Variants in TLN1 observed in about 807,000 individuals in gnomAD.
TLN1 encodes talin-1.
A neutral mutation model predicts 292.3 loss-of-function variants in TLN1; 56 were observed. The observed-to-expected ratio is 0.19, with a 90% confidence interval of 0.15 to 0.24. TLN1 has a LOEUF of 0.24. TLN1 is among the 10% of genes least tolerant of loss of function. The pLI, the probability that TLN1 is intolerant of heterozygous loss-of-function variation, is 1.00. For synonymous variants in TLN1, 1,119 were observed against 1,253.7 expected (o/e 0.89, Z 2.27); for missense variants, 2,433 against 3,248.2 (o/e 0.75, Z 6.10).
chr9:35,715,155 C>T lies in TLN1; in HGVS notation c.2658G>A (p.Gln886=). ...CAGCTGCCTCCCGCAGCCGCTGCTG[C>T]TGCTCCTCACTGTCAGGGTGGGCAG... ...GAAAHPDSEE[Q]QQRLREAAEG... Residue 886 remains glutamine, a synonymous_variant, in exon 21 of 57, where the codon CAG becomes CAA. Transcript: ENST00000314888. The T allele has an allele frequency of 6.2e-7, 1 of 1,612,486 alleles. No homozygotes were observed. The highest frequency in any genetic ancestry group is 8.5e-7 in the Non-Finnish European group (1 of 1,180,024).
At chr9:35,715,421 T>C (rs1399239581) in intron 20 of TLN1, among the ~76,000 whole-genome samples, 3 of 152,266 alleles carry the variant, frequency 2.0e-5, no homozygotes, top group Non-Finnish European at 4.4e-5. Context: ...TAAGGTGGAA[T>C]TGTTTTGTCT....
At position 35,717,488 on chromosome 9, in the gene TLN1, G is replaced by A; in HGVS notation, c.2164-48C>T. 6.3e-7 allele frequency: 1 copy of A among 1,593,968 alleles called. No homozygotes were observed. Among genetic ancestry groups the A allele is most frequent in the Non-Finnish European group, 8.6e-7 (1 of 1,167,046 alleles). ...AGACGTAGGCAAGGGAAAGGAGGTA[G>A]AGTATGCTGCTCATAGCAGTAACTG... On this transcript the variant is annotated intron_variant, in intron 18 of 56. Coordinates refer to ENST00000314888, the MANE Select transcript of TLN1 (RefSeq NM_006289.4). This position sits in a 1 kb window ranked among gnomAD's most constrained non-coding sequence, Gnocchi z 4.7.
intron 48 of TLN1, among the ~76,000 whole-genome samples, chr9:35,702,543 A>G (rs1011092975): frequency 1.3e-5 from 2 of 151,610 alleles, no homozygotes; most frequent in Non-Finnish European, 2.9e-5. Flanking sequence ...CCCAGGCTGG[A>G]GTGCAGTGGC....
Position 35,707,409 on chromosome 9 carries a change from T to C in TLN1, c.4712A>G (p.Asn1571Ser). 1 of 1,614,154 alleles carries C rather than the reference T, an allele frequency of 6.2e-7. No homozygotes were observed. ...AGGGTTGGACGCAAAGGCACTCAGA[T>C]TGTCCACAGCCTCCAGCAGAGGGGC... is the stretch of plus-strand genomic sequence containing the variant. ...ATAPLLEAVD[N>S]LSAFASNPEF... Residue 1571 changes from asparagine (N) to serine (S), a missense_variant, in exon 36 of 57, where the codon AAT (asparagine) becomes AGT (serine). Around this residue, in one of 7 missense-constraint regions of TLN1, gnomAD observed 1,384 missense variants for 1,699.6 expected, o/e 0.81. Coordinates refer to ENST00000314888, the MANE Select transcript of TLN1 (RefSeq NM_006289.4). The surrounding 1 kb of genome is among the most constrained non-coding windows in gnomAD (Gnocchi z 5.6).
Position 35,719,481 on chromosome 9 carries a change from C to A in TLN1, c.1687+38G>T. On this transcript the variant is annotated intron_variant, in intron 15 of 56. Transcript: ENST00000314888. This position sits in a 1 kb window ranked among gnomAD's most constrained non-coding sequence, Gnocchi z 4.6. Reference sequence around the variant, plus strand: ...ATGCCTGTGCACACTTGCACCCCCTCTCCCCATCACACACCCGGAAGCTAG... The same window carrying A: ...ATGCCTGTGCACACTTGCACCCCCTATCCCCATCACACACCCGGAAGCTAG... 1 of 1,572,706 alleles carries A rather than the reference C, an allele frequency of 6.4e-7. No individual in the cohort carries two copies. Among genetic ancestry groups the A allele is most frequent in the Non-Finnish European group, 8.7e-7 (1 of 1,143,070 alleles).
rs768049106 is a variant in TLN1 at position 35,717,428 on chromosome 9, T to C, written c.2176A>G (p.Thr726Ala). The change falls in exon 19 of 57, where the codon ACA becomes GCA. Residue 726 changes from threonine to alanine, a missense_variant. By Grantham distance (58) the Thr-to-Ala change is moderately conservative (BLOSUM62 0). Transcript: ENST00000314888. This position sits in a 1 kb window ranked among gnomAD's most constrained non-coding sequence, Gnocchi z 4.7. ...LVACTKVVAPTISSPVCQEQL... is the reference protein window; with the variant it reads ...LVACTKVVAPAISSPVCQEQL... The stretch of plus-strand genomic sequence containing the variant: ...TCTTGGCAGACAGGTGAGCTGATTG[T>C]AGGTGCCACCACCTGTAGGTAAAGT... 10 of 1,612,914 alleles carry C rather than the reference T, an allele frequency of 6.2e-6. No individual in the cohort carries two copies.
chr9:35,704,884 A>C lies in TLN1; in HGVS notation c.5734-69T>G. 1 of 1,525,816 alleles carries C rather than the reference A, an allele frequency of 6.6e-7. No individual in the cohort carries two copies. Among genetic ancestry groups the C allele is most frequent in the Non-Finnish European group, 8.9e-7 (1 of 1,129,018 alleles). 94.5% of individuals were successfully genotyped at this position (1,525,816 alleles called of 1,614,324 possible). ...CAGGGTACCTTCACTGTGCTTGGAA[A>C]AGTCACTAAGGACATAGAAAAAAAC... On this transcript the variant is annotated intron_variant, in intron 43 of 56. Coordinates refer to ENST00000314888, the MANE Select transcript of TLN1 (RefSeq NM_006289.4). This position sits in a 1 kb window ranked among gnomAD's most constrained non-coding sequence, Gnocchi z 6.9.
At position 35,707,595 on chromosome 9, in the gene TLN1, A is replaced by G; in HGVS notation, c.4633-107T>C. The G allele has an allele frequency of 6.4e-7, 1 of 1,572,768 alleles. No homozygotes were observed. The highest frequency in any genetic ancestry group is 8.7e-7 in the Non-Finnish European group (1 of 1,154,250). ...GACTTACAGGATTTGGGGAGAGGCT[A>G]GGTGGTCAGTCTGAATAGAAAGAGC... On this transcript the variant is annotated intron_variant, in intron 35 of 56. Transcript: ENST00000314888. This position sits in a 1 kb window ranked among gnomAD's most constrained non-coding sequence, Gnocchi z 5.6.
Position 35,724,137 on chromosome 9 carries a change from T to C in TLN1, c.654+55A>G, listed in dbSNP as rs1276972455. On this transcript the variant is annotated intron_variant, in intron 6 of 56. Transcript: ENST00000314888. The surrounding 1 kb of genome is among the most constrained non-coding windows in gnomAD (Gnocchi z 4.7). ...TGTGTGGGTGCAAGGACACGCACAC[T>C]GTGCTTCCGAGCCCTCCCTATTCCT... The C allele has an allele frequency of 2.4e-5, 39 of 1,613,454 alleles. No individual in the cohort carries two copies. The highest frequency in any genetic ancestry group is 3.2e-5 in the Non-Finnish European group (38 of 1,179,524).
Position 35,703,857 on chromosome 9 carries a change from C to T in TLN1, c.6275G>A (p.Gly2092Glu). ...NAVKDVAKAL[G>E]DLISATKAAA... ...AGCCTTCGTTGCACTGATGAGGTCT[C>T]CCAGGGCTTTGGCTACATCTTTCAC... Residue 2092 changes from glycine (G) to glutamate (E), a missense_variant, in exon 47 of 57, where the codon GGA (glycine) becomes GAA (glutamate). Transcript: ENST00000314888. The T allele has an allele frequency of 1.2e-6, 2 of 1,614,220 alleles. No individual in the cohort carries two copies. The highest frequency in any genetic ancestry group is 8.5e-7 in the Non-Finnish European group (1 of 1,180,050).
At chr9:35,726,549 T>G (rs995525813) in intron 1 of TLN1, among the ~76,000 whole-genome samples, 1 of 152,234 alleles carries the variant, frequency 6.6e-6, no homozygotes, top group Non-Finnish European at 1.5e-5. Context: ...AAAATGAAGA[T>G]GTTATAATTC....
rs1014017315 is a variant in TLN1 at position 35,698,055 on chromosome 9, C to T, written c.7489G>A (p.Gly2497Ser). Residue 2497 changes from glycine (G) to serine (S), a missense_variant, in exon 56 of 57, where the codon GGC (glycine) becomes AGC (serine). Coordinates refer to ENST00000314888, the MANE Select transcript of TLN1 (RefSeq NM_006289.4). This position sits in a 1 kb window ranked among gnomAD's most constrained non-coding sequence, Gnocchi z 5.3. ...TVVVKEKMVG[G>S]IAQIIAAQEE... ...GGGGTGAAGCTCACCTGGGCAATGC[C>T]GCCAACCATCTTCTCTTTCACCACC... 1.9e-6 allele frequency: 3 copies of T among 1,614,152 alleles called. No homozygotes were observed. Among genetic ancestry groups the T allele is most frequent in the Non-Finnish European group, 1.7e-6 (2 of 1,180,036 alleles).
chr9:35,714,160 TATTGGGTTATTCTGCACAG>T lies in TLN1; in HGVS notation c.3120+60_3120+78del. 6.2e-7 allele frequency: 1 copy of T among 1,602,042 alleles called. No homozygotes were observed. The highest frequency in any genetic ancestry group is 8.5e-7 in the Non-Finnish European group (1 of 1,171,072). ...GCCTCTGATTACACAATTATCTGCG[TATTGGGTTATTCTGCACAG>T]ATTTCCTCTCATCACAGGACTCCAG... On this transcript the variant is annotated intron_variant, in intron 24 of 56. Transcript: ENST00000314888. The surrounding 1 kb of genome is among the most constrained non-coding windows in gnomAD (Gnocchi z 4.6).
intron 1 of TLN1, 132 bp from the exon 2 acceptor site, chr9:35,725,859 T>C (rs1309672380): frequency 2.8e-6 from 2 of 713,924 alleles, no homozygotes; most frequent in South Asian, 2.2e-5. Context: ...GTTGTTTTCA[T>C]TGTATTTAAT....
At chr9:35,705,111 G>C (rs925804352) in intron 43 of TLN1, among the ~76,000 whole-genome samples, 2 of 152,194 alleles carry the variant, frequency 1.3e-5, no homozygotes, top group Non-Finnish European at 2.9e-5. Context: ...GAGGGCCGTG[G>C]ATTACCATGT....
intron 3 of TLN1, 131 bp downstream of exon 3, chr9:35,725,093 G>T: frequency 1.3e-6 from 2 of 1,539,208 alleles, no homozygotes; most frequent in South Asian, 1.2e-5. Context: ...AGGGAATTAT[G>T]ACTGTCTGTT....
In TLN1 at chr9:35,717,532, C is replaced by T; in HGVS notation, c.2163+87G>A. On this transcript the variant is annotated intron_variant, in intron 18 of 56. Coordinates refer to ENST00000314888, the MANE Select transcript of TLN1 (RefSeq NM_006289.4). The surrounding 1 kb of genome is among the most constrained non-coding windows in gnomAD (Gnocchi z 4.7). ...GTAACTGGGATGGGTGAGGAGGCCT[C>T]CAGAGCCAAAGAAATAAAATGAAAG... 1 of 1,576,448 alleles carries T rather than the reference C, an allele frequency of 6.3e-7. No homozygotes were observed. The highest frequency in any genetic ancestry group is 8.6e-7 in the Non-Finnish European group (1 of 1,156,142).
At position 35,719,246 on chromosome 9, in the gene TLN1, C is replaced by T; in HGVS notation, c.1724G>A (p.Cys575Tyr). ...GTTGGAGGAGATTGTGGTGACTGCA[C>T]AGCCCACTGCGGTATAGTCTGTCTC... The part of the protein sequence containing the change: ...PAETDYTAVG[C>Y]AVTTISSNLT... Residue 575 changes from cysteine to tyrosine, a missense_variant, in exon 16 of 57, where the codon TGT (cysteine) becomes TAT (tyrosine). Transcript: ENST00000314888. The surrounding 1 kb of genome is among the most constrained non-coding windows in gnomAD (Gnocchi z 4.6). 6.2e-7 allele frequency: 1 copy of T among 1,614,140 alleles called. No homozygotes were observed. The highest frequency in any genetic ancestry group is 8.5e-7 in the Non-Finnish European group (1 of 1,179,996).
chr9:35,699,790 A>C lies in TLN1; in HGVS notation c.6768+184T>G. 1.3e-6 allele frequency: 1 copy of C among 760,384 alleles called. No homozygotes were observed. Among genetic ancestry groups the C allele is most frequent in the Non-Finnish European group, 1.6e-6 (1 of 625,002 alleles). 47.1% of individuals were successfully genotyped at this position (760,384 alleles called of 1,614,324 possible). ...AGAGGAAGAGGTGACTGGGAGAACCAAAGATGATAAGAAGGATGGGGCCTG... is the reference window on the plus strand; with the variant it reads ...AGAGGAAGAGGTGACTGGGAGAACCCAAGATGATAAGAAGGATGGGGCCTG... On this transcript the variant is annotated intron_variant, in intron 50 of 56. Transcript: ENST00000314888. This position sits in a 1 kb window ranked among gnomAD's most constrained non-coding sequence, Gnocchi z 4.0.
Sources: gnomAD v4.1 joint callset for allele counts (sites outside exome capture counted in the v4.1 genomes callset) on GRCh38, gnomAD v4.1.1 for gene constraint, gnomAD v4.1.1 regional missense constraint, Gnocchi (gnomAD v3.1) non-coding constraint, MANE v1.5 for transcripts, NCBI Gene and HGNC (gene_info 2026-07-23, HGNC 2026-07-21) for gene names.